ARMH3: variants seen among roughly 807,000 people sequenced by gnomAD.
The protein encoded by ARMH3 is armadillo like helical domain containing 3.
Under a neutral mutation model 99.1 loss-of-function variants are expected in ARMH3, and 60 were observed. The ratio of observed to expected loss-of-function variants is 0.61; its 90% CI spans 0.49 to 0.75. The LOEUF (loss-of-function observed/expected upper bound fraction) is 0.75. Ranked by LOEUF, ARMH3 falls within the 30% of genes least tolerant of loss-of-function variation. The pLI, the probability that ARMH3 is intolerant of heterozygous loss-of-function variation, is 0.00. For synonymous variants in ARMH3, 285 were observed against 292.8 expected (o/e 0.97, Z 0.27); for missense variants, 679 against 843.1 (o/e 0.81, Z 2.41).
intron 20 of ARMH3, among the ~76,000 whole-genome samples, chr10:101,963,443 G>A (rs2135851383): frequency 6.6e-6 from 1 of 152,098 alleles, no homozygotes; most frequent in South Asian, 2.1e-4. Flanking sequence ...AGCCATTTTT[G>A]TATTTTTAGT....
chr10:101,939,008 T>C (rs866905416), intron 23 of ARMH3, among the ~76,000 whole-genome samples: 25 of 152,034 alleles, frequency 1.6e-4, no homozygotes, highest in African/African-American at 6.0e-4. Context: ...AGAAAAGATA[T>C]AGGAAAAAAA....
At chr10:101,995,913 C>T (rs1337973546) in intron 15 of ARMH3, among the ~76,000 whole-genome samples, 1 of 152,216 alleles carries the variant, frequency 6.6e-6, no homozygotes, top group African/African-American at 2.4e-5. Flanking sequence ...GTCAAAGTTA[C>T]TCATTCAACA....
chr10:102,033,867 C>T (rs536586828), intron 2 of ARMH3, among the ~76,000 whole-genome samples: 48 of 152,296 alleles, frequency 3.2e-4, no homozygotes, highest in African/African-American at 1.2e-3. Flanking sequence ...TAAATAATAG[C>T]TCAAAGAACT....
intron 24 of ARMH3, among the ~76,000 whole-genome samples, chr10:101,852,271 C>T (rs555514435): frequency 8.3e-4 from 126 of 152,348 alleles, no homozygotes; most frequent in South Asian, 6.0e-3. Context: ...AGCCTCAGGC[C>T]GCAGGTAAGG....
intron 19 of ARMH3, among the ~76,000 whole-genome samples, chr10:101,983,649 G>A (rs374740673): frequency 2.0e-5 from 3 of 152,168 alleles, no homozygotes; most frequent in East Asian, 1.9e-4. Flanking sequence ...AACACATGGA[G>A]GCCTACAGGA....
chr10:101,943,449 C>T (rs753256007), intron 22 of ARMH3, among the ~76,000 whole-genome samples: 1 of 152,144 alleles, frequency 6.6e-6, no homozygotes, highest in East Asian at 1.9e-4. Flanking sequence ...AATTAGCCTA[C>T]ATTCAAGGTT....
intron 17 of ARMH3, among the ~76,000 whole-genome samples, chr10:101,993,293 A>G (rs904183082): frequency 6.6e-6 from 1 of 151,968 alleles, no homozygotes; most frequent in African/African-American, 2.4e-5. Context: ...AAAGAAAAAA[A>G]AAAAAAAAGA....
intron 24 of ARMH3, among the ~76,000 whole-genome samples, chr10:101,871,200 G>A (rs2067123574): frequency 6.6e-6 from 1 of 152,232 alleles, no homozygotes; most frequent in East Asian, 1.9e-4. Context: ...AATAAATGGA[G>A]AGGTATATTA....
Position 102,011,746 on chromosome 10 carries a change from A to G in ARMH3, c.808T>C (p.Phe270Leu). ...KDKEEEHQSG[F>L]FSALTNMVGS... ...ACCATATTTGTTAAAGCAGAGAAAA[A>G]ACCACTTTGGTGTTCTTCTTCCTTG... Residue 270 changes from phenylalanine (F) to leucine (L), a missense_variant, in exon 11 of 26, where the codon TTT becomes CTT. By Grantham distance (22) the Phe-to-Leu change is conservative (BLOSUM62 0). This residue lies in a region of ARMH3 where 280 missense variants were observed against 354.6 expected (regional missense o/e 0.79). Transcript: ENST00000370033. 1 of 1,610,502 alleles carries G rather than the reference A, an allele frequency of 6.2e-7. No individual in the cohort carries two copies. The highest frequency in any genetic ancestry group is 8.5e-7 in the Non-Finnish European group (1 of 1,178,490).
At chr10:102,048,508 C>G (rs2067611719) in intron 1 of ARMH3, among the ~76,000 whole-genome samples, 1 of 152,220 alleles carries the variant, frequency 6.6e-6, no homozygotes, top group Admixed American at 6.5e-5. Context: ...TTCACTGCAA[C>G]CTCCGCTTCC....
chr10:101,927,506 T>C (rs1034070925), intron 23 of ARMH3, among the ~76,000 whole-genome samples: 1 of 152,208 alleles, frequency 6.6e-6, no homozygotes, highest in East Asian at 1.9e-4. Context: ...CCTTTAAATT[T>C]ACCTCAAGGT....
intron 5 of ARMH3, 53 bp from the exon 6 acceptor site, chr10:102,025,301 T>C: frequency 1.4e-6 from 2 of 1,439,896 alleles, no homozygotes; most frequent in Non-Finnish European, 2.0e-6. Flanking sequence ...ACCCCACCTT[T>C]GTCTAACTCT....
chr10:101,893,646 A>G (rs868220371), intron 23 of ARMH3, among the ~76,000 whole-genome samples: 14 of 151,948 alleles, frequency 9.2e-5, no homozygotes, highest in Middle Eastern at 3.2e-3. Flanking sequence ...TTTCACAAGG[A>G]AACAAAGCAA....
At chr10:101,930,485 T>C (rs566844709) in intron 23 of ARMH3, among the ~76,000 whole-genome samples, 9 of 152,098 alleles carry the variant, frequency 5.9e-5, no homozygotes, top group Non-Finnish European at 1.0e-4. Context: ...GATAAGAACA[T>C]GTTGGTTAAT....
intron 23 of ARMH3, among the ~76,000 whole-genome samples, chr10:101,903,546 G>C (rs1199880348): frequency 6.6e-6 from 1 of 152,142 alleles, no homozygotes; most frequent in Non-Finnish European, 1.5e-5. Flanking sequence ...TGAAGGACAG[G>C]GTGCTTGAGC....
At chr10:101,865,385 AC>A (rs2066978272) in intron 24 of ARMH3, among the ~76,000 whole-genome samples, 1 of 152,160 alleles carries the variant, frequency 6.6e-6, no homozygotes, top group Admixed American at 6.5e-5. Context: ...CACAAACACC[AC>A]ACATGGCACC....
chr10:101,876,569 TA>T (rs2067271978), intron 24 of ARMH3, among the ~76,000 whole-genome samples: 1 of 152,162 alleles, frequency 6.6e-6, no homozygotes, highest in South Asian at 2.1e-4. Flanking sequence ...AAGATTACTA[TA>T]AAAAGTCAAA....
intron 23 of ARMH3, among the ~76,000 whole-genome samples, chr10:101,899,838 C>A (rs2067931197): frequency 6.6e-6 from 1 of 151,932 alleles, no homozygotes. Context: ...TTTTCAGGAC[C>A]AAAGACACAA....
At chr10:101,876,262 A>AC (rs1457870347) in intron 24 of ARMH3, among the ~76,000 whole-genome samples, 1 of 151,584 alleles carries the variant, frequency 6.6e-6, no homozygotes, top group East Asian at 1.9e-4. Context: ...AAAAAAAAAA[A>AC]AAAAAACAAC....
Sources: gnomAD v4.1 joint callset for allele counts (sites outside exome capture counted in the v4.1 genomes callset) on GRCh38, gnomAD v4.1.1 for gene constraint, gnomAD v4.1.1 regional missense constraint, MANE v1.5 for transcripts, NCBI Gene and HGNC (gene_info 2026-07-23, HGNC 2026-07-21) for gene names.